NCOA3: variants seen among roughly 807,000 people sequenced by gnomAD.
NCOA3 encodes the protein CBP-interacting protein.
In NCOA3, 51 loss-of-function variants were observed where a neutral mutation model predicts 158.8. The ratio of observed to expected loss-of-function variants is 0.32; its 90% CI spans 0.26 to 0.41. NCOA3 has a LOEUF of 0.41. Among genes scored for constraint, NCOA3 ranks in the 10% least tolerant of loss-of-function variants. NCOA3 has a pLI of 1.00. For missense variants in NCOA3, 1,510 were observed against 1,746.6 expected, an observed-to-expected ratio of 0.86 and a Z score of 2.41; for synonymous variants, 537 against 592.4, an observed-to-expected ratio of 0.91 and a Z score of 1.36.
chr20:47,596,552 A>G (rs575046372), intron 2 of NCOA3, among the ~76,000 whole-genome samples: 2 of 152,150 alleles, frequency 1.3e-5, no homozygotes, highest in African/African-American at 2.4e-5. Context: ...TTTGCTTTCA[A>G]TGTGGTGGTA....
At position 47,526,940 on chromosome 20, in the gene NCOA3, G is replaced by A. The variant is rs111806971; in HGVS notation, c.-99+24921G>A. On this transcript the variant is annotated intron_variant, in intron 1 of 22. Coordinates refer to ENST00000371998, the MANE Select transcript of NCOA3 (RefSeq NM_181659.3). ...TTACAGGCATGAACCACCACATCCA[G>A]CCAGTTCCATATTTTTTAATGAGAT... Among the ~76,000 whole-genome samples the A allele has an allele frequency of 5.9e-5, 9 of 152,296 alleles. 3 individuals are homozygous for A. The highest frequency in any genetic ancestry group is 2.2e-4 in the African/African-American group (9 of 41,564).
intron 16 of NCOA3, among the ~76,000 whole-genome samples, chr20:47,641,231 G>C (rs1447697959): frequency 6.6e-6 from 1 of 151,822 alleles, no homozygotes. Flanking sequence ...TATGGGGTTT[G>C]TGTTACACTT....
chr20:47,502,468 C>T (rs2083950910), intron 1 of NCOA3, among the ~76,000 whole-genome samples: 1 of 151,736 alleles, frequency 6.6e-6, no homozygotes. Flanking sequence ...GCCGCGGGGA[C>T]CCCCCCCACC....
intron 1 of NCOA3, among the ~76,000 whole-genome samples, chr20:47,535,209 G>C (rs760346751): frequency 6.6e-6 from 1 of 151,932 alleles, no homozygotes; most frequent in African/African-American, 2.4e-5. Flanking sequence ...CACTTCTTCC[G>C]TGCCTCGCTG....
intron 1 of NCOA3, among the ~76,000 whole-genome samples, chr20:47,506,189 T>A (rs2084029644): frequency 6.6e-6 from 1 of 152,134 alleles, no homozygotes; most frequent in South Asian, 2.1e-4. Flanking sequence ...GAGGAGGGGC[T>A]TTGTGGTAAT....
intron 2 of NCOA3, among the ~76,000 whole-genome samples, chr20:47,596,982 A>G (rs1424106424): frequency 1.3e-5 from 2 of 152,260 alleles, no homozygotes; most frequent in African/African-American, 4.8e-5. Context: ...TCATAGGATT[A>G]GCAATAAGCA....
intron 1 of NCOA3, among the ~76,000 whole-genome samples, chr20:47,512,302 A>G (rs6018516): frequency 0.98 from 148,503 of 152,152 alleles, 72,571 homozygotes; most frequent in Middle Eastern, 1. Flanking sequence ...TGGACCCCGT[A>G]GCTCACACCT....
At chr20:47,575,379 A>C (rs2085356752) in intron 1 of NCOA3, among the ~76,000 whole-genome samples, 1 of 152,192 alleles carries the variant, frequency 6.6e-6, no homozygotes, top group African/African-American at 2.4e-5. Flanking sequence ...GTCTATTTTA[A>C]AGTAGACTTT....
intron 14 of NCOA3, 105 bp downstream of exon 14, chr20:47,639,307 C>CTT: frequency 9.8e-7 from 1 of 1,022,284 alleles, no homozygotes; most frequent in Non-Finnish European, 1.4e-6. Context: ...TTTTGAATAA[C>CTT]GTTAGTATGT....
At chr20:47,567,112 A>C (rs2085209664) in intron 1 of NCOA3, among the ~76,000 whole-genome samples, 1 of 151,616 alleles carries the variant, frequency 6.6e-6, no homozygotes, top group African/African-American at 2.4e-5. Flanking sequence ...CAGTGATGTG[A>C]TCTTAGCTCA....
intron 1 of NCOA3, among the ~76,000 whole-genome samples, chr20:47,511,476 G>A (rs369552276): frequency 6.5e-5 from 8 of 123,190 alleles, no homozygotes; most frequent in East Asian, 4.7e-4. Flanking sequence ...GTGCAGTGGC[G>A]TGTTCTTGGC....
At chr20:47,538,735 AG>A (rs2084675127) in intron 1 of NCOA3, among the ~76,000 whole-genome samples, 1 of 152,076 alleles carries the variant, frequency 6.6e-6, no homozygotes, top group Admixed American at 6.5e-5. Flanking sequence ...TAGTAGAGAC[AG>A]GGTTTCCCCA....
chr20:47,504,728 C>A (rs1246826427), intron 1 of NCOA3, among the ~76,000 whole-genome samples: 4 of 150,698 alleles, frequency 2.7e-5, no homozygotes, highest in Admixed American at 6.6e-5. Flanking sequence ...GGCTTGAACC[C>A]GGGAGGCGGA....
chr20:47,512,063 T>C (rs569030761), intron 1 of NCOA3, among the ~76,000 whole-genome samples: 2 of 151,680 alleles, frequency 1.3e-5, no homozygotes, highest in African/African-American at 4.8e-5. Flanking sequence ...GCCCATAATA[T>C]CAATACTTTG....
At chr20:47,504,587 G>A (rs2083996251) in intron 1 of NCOA3, among the ~76,000 whole-genome samples, 1 of 150,024 alleles carries the variant, frequency 6.7e-6, no homozygotes, top group Non-Finnish European at 1.5e-5. Context: ...GGTGGATCAC[G>A]AGGTCAGGAG....
At chr20:47,599,483 C>A (rs2085821892) in intron 2 of NCOA3, among the ~76,000 whole-genome samples, 1 of 152,060 alleles carries the variant, frequency 6.6e-6, no homozygotes, top group Non-Finnish European at 1.5e-5. Flanking sequence ...GAGAGTTACA[C>A]AACTCTGAAA....
chr20:47,550,464 A>AAAAAG (rs2084911800), intron 1 of NCOA3, among the ~76,000 whole-genome samples: 2 of 148,032 alleles, frequency 1.4e-5, no homozygotes, highest in Non-Finnish European at 1.5e-5. Flanking sequence ...AAAAAAAAAA[A>AAAAAG]GGTGGGGGGG....
chr20:47,511,556 T>TATATATATATATACACACACACATACACA (rs1569310943), intron 1 of NCOA3, among the ~76,000 whole-genome samples: 1 of 30,198 alleles, frequency 3.3e-5, no homozygotes, highest in Admixed American at 5.4e-4. Context: ...TATATATATA[T>TATATATATATATACACACACACATACACA]TTCTTTTTTT....
At chr20:47,598,431 G>A (rs1487512780) in intron 2 of NCOA3, among the ~76,000 whole-genome samples, 1 of 151,872 alleles carries the variant, frequency 6.6e-6, no homozygotes, top group African/African-American at 2.4e-5. Context: ...CACCTCCTGG[G>A]TTCACGCGGT....
Sources: gnomAD v4.1 joint callset for allele counts (sites outside exome capture counted in the v4.1 genomes callset) on GRCh38, gnomAD v4.1.1 for gene constraint, MANE v1.5 for transcripts, NCBI Gene and HGNC (gene_info 2026-07-23, HGNC 2026-07-21) for gene names.